Variants in UGGT2 observed in about 807,000 individuals in gnomAD.
UGGT2 encodes UDP-glucose glycoprotein glucosyltransferase 2.
Under a neutral mutation model 192.1 loss-of-function variants are expected in UGGT2, and 180 were observed. That is an observed-to-expected ratio of 0.94 (90% CI 0.83 to 1.06). The LOEUF (loss-of-function observed/expected upper bound fraction) is 1.06. Among genes scored for constraint, UGGT2 ranks in the 50% least tolerant of loss-of-function variants. The pLI, the probability that UGGT2 is intolerant of heterozygous loss-of-function variation, is 0.00. For missense variants in UGGT2, 1,849 were observed against 1,795.7 expected (o/e 1.03, Z -0.54); for synonymous variants, 580 against 591.0 (o/e 0.98, Z 0.27).
At chr13:95,989,518 A>G (rs892524478) in intron 8 of UGGT2, 3 of 368,546 alleles carry the variant, frequency 8.1e-6, no homozygotes, top group African/African-American at 2.1e-5. Context: ...AGCTGTTCCT[A>G]ACTTTGTAAA....
intron 1 of UGGT2, among the ~76,000 whole-genome samples, chr13:96,051,572 A>C (rs2053486972): frequency 6.6e-6 from 1 of 152,178 alleles, no homozygotes; most frequent in South Asian, 2.1e-4. Context: ...AACGGGAGAA[A>C]ATCTTCACAA....
rs760160322 is a variant in UGGT2, at chr13:96,023,719, A to G, written c.282T>C (p.Ala94=). 2 of 1,609,376 alleles carry G rather than the reference A, an allele frequency of 1.2e-6. No individual in the cohort carries two copies. The highest frequency in any genetic ancestry group is 1.1e-5 in the South Asian group (1 of 90,526). ...TGTGTAAATTGTCTAGAAACTGTCC[A>G]GCTTTCTTCAGGATTAAGTTGTAAT... is the stretch of plus-strand genomic sequence containing the variant. ...YSYYNLILKK[A]GQFLDNLHIN... Residue 94 remains alanine (A), a synonymous_variant, in exon 3 of 39, where the codon GCT becomes GCC. Coordinates refer to ENST00000376747, the MANE Select transcript of UGGT2 (RefSeq NM_020121.4).
chr13:95,929,060 GGC>G (rs937752565), intron 17 of UGGT2, among the ~76,000 whole-genome samples: 1 of 152,096 alleles, frequency 6.6e-6, no homozygotes, highest in African/African-American at 2.4e-5. Context: ...CAGGCGTGGC[GGC>G]GCGCGCCTGC....
intron 36 of UGGT2, among the ~76,000 whole-genome samples, chr13:95,850,857 CAAAGGATT>C (rs1418190654): frequency 6.6e-6 from 1 of 152,200 alleles, no homozygotes; most frequent in African/African-American, 2.4e-5. Flanking sequence ...TATCTACTGA[CAAAGGATT>C]CTATATAACA....
intron 10 of UGGT2, among the ~76,000 whole-genome samples, chr13:95,976,604 G>GA (rs1450910326): frequency 1.3e-5 from 2 of 151,428 alleles, no homozygotes; most frequent in Non-Finnish European, 2.9e-5. Context: ...TTTTGTTTTA[G>GA]AAAAAAGCCA....
chr13:95,902,539 C>T (rs895994673), intron 21 of UGGT2, among the ~76,000 whole-genome samples: 3 of 151,128 alleles, frequency 2.0e-5, no homozygotes, highest in African/African-American at 7.3e-5. Flanking sequence ...CCATAATGGA[C>T]CCCTTCAGTG....
At chr13:95,887,819 G>A (rs1354154525) in intron 26 of UGGT2, 73 bp downstream of exon 26, 2 of 932,742 alleles carry the variant, frequency 2.1e-6, no homozygotes, top group Admixed American at 2.3e-5. Flanking sequence ...ACCAGGTCCA[G>A]TAACAATGAT....
At chr13:95,848,720 C>T (rs935424187) in intron 36 of UGGT2, among the ~76,000 whole-genome samples, 2 of 152,090 alleles carry the variant, frequency 1.3e-5, no homozygotes, top group African/African-American at 4.8e-5. Flanking sequence ...AGTCTTCTGA[C>T]TTTCTTCTTT....
At chr13:95,963,406 A>T (rs745528042) in intron 12 of UGGT2, among the ~76,000 whole-genome samples, 8 of 152,170 alleles carry the variant, frequency 5.3e-5, no homozygotes, top group Non-Finnish European at 1.2e-4. Flanking sequence ...ACCTTAGCAT[A>T]ATATAAAGGC....
intron 4 of UGGT2, among the ~76,000 whole-genome samples, chr13:96,017,124 T>G (rs2052363642): frequency 6.6e-6 from 1 of 152,192 alleles, no homozygotes; most frequent in Non-Finnish European, 1.5e-5. Context: ...CTCTGTACCT[T>G]GGAAGTAAAT....
rs1884590982 is a variant in UGGT2 at position 95,811,708 on chromosome 13, T to G, written c.4529-9896A>C. ...AATAATATATAATAGTAAAATGCAT[T>G]ATAACAATAGCATAAGAGAAAAGAG... On this transcript the variant is annotated intron_variant, in intron 38 of 38. Coordinates refer to ENST00000376747, the MANE Select transcript of UGGT2 (RefSeq NM_020121.4). Among the ~76,000 whole-genome samples the G allele has an allele frequency of 2.0e-5, 3 of 152,068 alleles. No homozygotes were observed. The South Asian group carries it at 6.2e-4, about 32-fold the overall frequency.
chr13:96,031,174 A>G (rs2052822804), intron 2 of UGGT2, among the ~76,000 whole-genome samples: 1 of 152,204 alleles, frequency 6.6e-6, no homozygotes, highest in South Asian at 2.1e-4. Context: ...AAATCTCTGT[A>G]CTTTCTGTCC....
At chr13:96,041,362 A>T (rs1436772922) in intron 1 of UGGT2, among the ~76,000 whole-genome samples, 1 of 152,122 alleles carries the variant, frequency 6.6e-6, no homozygotes, top group East Asian at 1.9e-4. Flanking sequence ...TGGGTCCCCT[A>T]GGAAGCTATT....
intron 27 of UGGT2, among the ~76,000 whole-genome samples, chr13:95,880,784 A>G (rs1473590249): frequency 6.6e-6 from 1 of 152,238 alleles, no homozygotes; most frequent in African/African-American, 2.4e-5. Context: ...ACCTACTTTT[A>G]TAATTGTTCT....
chr13:95,861,749 A>G (rs1056502082), intron 31 of UGGT2, among the ~76,000 whole-genome samples: 3 of 152,166 alleles, frequency 2.0e-5, no homozygotes, highest in African/African-American at 7.2e-5. Flanking sequence ...TTGTTATGAC[A>G]GAAGTATTTT....
At chr13:95,961,354 G>A (rs919850522) in intron 12 of UGGT2, among the ~76,000 whole-genome samples, 3 of 152,066 alleles carry the variant, frequency 2.0e-5, no homozygotes, top group Admixed American at 6.6e-5. Flanking sequence ...CTGCCTTAAA[G>A]AAACTCATCT....
At chr13:95,991,979 A>G (rs1468209438) in intron 7 of UGGT2, among the ~76,000 whole-genome samples, 3 of 152,150 alleles carry the variant, frequency 2.0e-5, no homozygotes, top group Non-Finnish European at 4.4e-5. Context: ...CCTGGCTAAC[A>G]TGGTGAAACC....
intron 20 of UGGT2, among the ~76,000 whole-genome samples, chr13:95,919,870 G>T (rs2048793788): frequency 6.6e-6 from 1 of 151,932 alleles, no homozygotes; most frequent in Non-Finnish European, 1.5e-5. Context: ...AATTCATATG[G>T]AACCAAAAAA....
intron 12 of UGGT2, among the ~76,000 whole-genome samples, chr13:95,953,485 A>G (rs1339538738): frequency 6.6e-6 from 1 of 152,220 alleles, no homozygotes; most frequent in Non-Finnish European, 1.5e-5. Flanking sequence ...AGAAGGGAGG[A>G]CCAAAATTGT....
Sources: gnomAD v4.1 joint callset for allele counts (sites outside exome capture counted in the v4.1 genomes callset) on GRCh38, gnomAD v4.1.1 for gene constraint, MANE v1.5 for transcripts, NCBI Gene and HGNC (gene_info 2026-07-23, HGNC 2026-07-21) for gene names.